NRG1: variants seen among roughly 807,000 people sequenced by gnomAD.
The protein encoded by NRG1 is pro-neuregulin-1, membrane-bound isoform.
Under a neutral mutation model 63.8 loss-of-function variants are expected in NRG1, and 18 were observed. The observed-to-expected ratio is 0.28, with a 90% CI of 0.19 to 0.42. The LOEUF is 0.42. NRG1 is among the 10% of genes least tolerant of loss of function. The pLI, the probability that NRG1 is intolerant of heterozygous loss-of-function variation, is 1.00. For synonymous variants in NRG1, 302 were observed against 301.3 expected, an observed-to-expected ratio of 1.00 and a Z score of -0.02; for missense variants, 762 against 814.7, an observed-to-expected ratio of 0.94 and a Z score of 0.79.
chr8:32,007,753 G>A (rs1814017819), intron 1 of NRG1, among the ~76,000 whole-genome samples: 1 of 151,968 alleles, frequency 6.6e-6, no homozygotes, highest in African/African-American at 2.4e-5. Flanking sequence ...CAGCCTCTGT[G>A]TTTTCAGTGT....
At chr8:31,749,111 T>G (rs1446184409) in intron 1 of NRG1, among the ~76,000 whole-genome samples, 1 of 151,792 alleles carries the variant, frequency 6.6e-6, no homozygotes, top group African/African-American at 2.4e-5. Context: ...AACTTCTCCA[T>G]GACAGAGGAT....
At chr8:31,958,112 T>C (rs970819129) in intron 1 of NRG1, among the ~76,000 whole-genome samples, 3 of 147,498 alleles carry the variant, frequency 2.0e-5, no homozygotes, top group African/African-American at 7.4e-5. Flanking sequence ...GAGATGTTTG[T>C]GTGTGTGTTT....
At chr8:32,070,898 A>G (rs1439197668) in intron 1 of NRG1, among the ~76,000 whole-genome samples, 1 of 152,084 alleles carries the variant, frequency 6.6e-6, no homozygotes, top group Non-Finnish European at 1.5e-5. Flanking sequence ...CTGGTATCAC[A>G]TTCCTGCACT....
At chr8:31,917,350 A>G (rs952143494) in intron 1 of NRG1, among the ~76,000 whole-genome samples, 1 of 150,868 alleles carries the variant, frequency 6.6e-6, no homozygotes, top group Non-Finnish European at 1.5e-5. Flanking sequence ...TCTAACGTTT[A>G]GGTCTTTAAT....
chr8:32,394,968 G>C (rs113991605), intron 1 of NRG1, among the ~76,000 whole-genome samples: 1 of 152,142 alleles, frequency 6.6e-6, no homozygotes, highest in Non-Finnish European at 1.5e-5. Flanking sequence ...GAAATCAGTG[G>C]TGAGAAGAAT....
intron 1 of NRG1, among the ~76,000 whole-genome samples, chr8:32,288,664 G>A (rs564408938): frequency 3.0e-4 from 46 of 152,172 alleles, no homozygotes; most frequent in African/African-American, 1.1e-3. Flanking sequence ...TTGCCATACT[G>A]TCACCATCCT....
chr8:31,980,976 T>C (rs1403974459), intron 1 of NRG1, among the ~76,000 whole-genome samples: 1 of 152,018 alleles, frequency 6.6e-6, no homozygotes, highest in African/African-American at 2.4e-5. Context: ...TTTCAATGCA[T>C]GGGAAAATAT....
chr8:32,211,164 A>G (rs1415986346), intron 1 of NRG1, among the ~76,000 whole-genome samples: 2 of 152,194 alleles, frequency 1.3e-5, no homozygotes, highest in Non-Finnish European at 2.9e-5. Context: ...AAATAAGCAA[A>G]GATAAAGGGG....
intron 1 of NRG1, among the ~76,000 whole-genome samples, chr8:32,042,652 A>C (rs925116213): frequency 1.3e-5 from 2 of 152,130 alleles, no homozygotes; most frequent in Non-Finnish European, 2.9e-5. Flanking sequence ...AGTAAGGGCA[A>C]ATCTCTTTAT....
intron 1 of NRG1, among the ~76,000 whole-genome samples, chr8:32,122,118 T>C (rs1325008081): frequency 6.6e-6 from 1 of 152,048 alleles, no homozygotes; most frequent in East Asian, 1.9e-4. Flanking sequence ...GAGTTCTTCT[T>C]AGTACTCTTC....
At chr8:31,704,291 T>A (rs1434649207) in intron 1 of NRG1, among the ~76,000 whole-genome samples, 1 of 152,324 alleles carries the variant, frequency 6.6e-6, no homozygotes, top group East Asian at 1.9e-4. Flanking sequence ...GCTTCTGGAA[T>A]AAATATAAAC....
intron 1 of NRG1, among the ~76,000 whole-genome samples, chr8:32,140,663 A>G (rs1253839025): frequency 6.6e-6 from 1 of 151,928 alleles, no homozygotes; most frequent in African/African-American, 2.4e-5. Context: ...GGGTCTTGCT[A>G]TGCTGCCCAA....
chr8:31,735,459 C>T (rs1265752619), intron 1 of NRG1, among the ~76,000 whole-genome samples: 4 of 152,106 alleles, frequency 2.6e-5, no homozygotes, highest in African/African-American at 9.6e-5. Context: ...TCTATTTTTT[C>T]TACATTTCCG....
At chr8:32,434,949 T>C (rs1226904891) in intron 1 of NRG1, among the ~76,000 whole-genome samples, 1 of 151,794 alleles carries the variant, frequency 6.6e-6, no homozygotes, top group African/African-American at 2.4e-5. Context: ...TGTCAGGGAG[T>C]TGAGCATCTG....
intron 1 of NRG1, among the ~76,000 whole-genome samples, chr8:32,487,648 T>G (rs945643763): frequency 1.3e-5 from 2 of 152,202 alleles, no homozygotes; most frequent in Admixed American, 1.3e-4. Flanking sequence ...TGTATGCCTA[T>G]TCCCTGGAGT....
chr8:31,876,506 A>C lies in NRG1; in HGVS notation c.37+237075A>C, dbSNP rs562184648. Reference sequence around the variant, plus strand: ...CAATATTTTACTTGTAATAGTGAATAAAAAGTTTGCTGGTTGAGAGAGTGA... The same window carrying C: ...CAATATTTTACTTGTAATAGTGAATCAAAAGTTTGCTGGTTGAGAGAGTGA... On this transcript the variant is annotated intron_variant, in intron 1 of 10. Transcript: ENST00000519301. 2.0e-5 allele frequency among the ~76,000 whole-genome samples: 3 copies of C among 152,338 alleles called. No homozygotes were observed. In the South Asian group the frequency reaches 6.2e-4, roughly 32 times the overall value.
At chr8:32,307,313 G>A (rs1856300910) in intron 1 of NRG1, among the ~76,000 whole-genome samples, 1 of 152,126 alleles carries the variant, frequency 6.6e-6, no homozygotes, top group Non-Finnish European at 1.5e-5. Context: ...GGAAAAGGGT[G>A]GTTCTCCTGA....
chr8:32,497,894 G>A (rs951276575), intron 1 of NRG1, among the ~76,000 whole-genome samples: 36 of 152,246 alleles, frequency 2.4e-4, no homozygotes, highest in African/African-American at 6.3e-4. Flanking sequence ...CACGATCTCG[G>A]CTCACCACAA....
intron 1 of NRG1, among the ~76,000 whole-genome samples, chr8:31,720,320 CT>C (rs1387045171): frequency 6.6e-6 from 1 of 152,032 alleles, no homozygotes; most frequent in Non-Finnish European, 1.5e-5. Flanking sequence ...TTTTGCAAGC[CT>C]TTTTTTCCAA....
Sources: gnomAD v4.1 joint callset for allele counts (sites outside exome capture counted in the v4.1 genomes callset) on GRCh38, gnomAD v4.1.1 for gene constraint, MANE v1.5 for transcripts, NCBI Gene and HGNC (gene_info 2026-07-23, HGNC 2026-07-21) for gene names.